The following INTS4 variants were observed in gnomAD, a reference collection of about 807,000 sequenced individuals.
INTS4 encodes MSTP093.
Under a neutral mutation model 119.5 loss-of-function variants are expected in INTS4, and 70 were observed. The ratio of observed to expected loss-of-function variants is 0.59; its 90% CI spans 0.48 to 0.71. The LOEUF (loss-of-function observed/expected upper bound fraction) is 0.71. INTS4 is among the 30% of genes least tolerant of loss of function. The probability of loss-of-function intolerance (pLI) is 0.00; values close to 1 mark genes in which losing one functional copy is unlikely to be tolerated. For synonymous variants in INTS4, 316 were observed against 419.6 expected (o/e 0.75, Z 3.02); for missense variants, 867 against 1,173.2 (o/e 0.74, Z 3.81).
intron 8 of INTS4, among the ~76,000 whole-genome samples, chr11:77,943,607 T>C (rs982359142): frequency 2.6e-5 from 4 of 152,232 alleles, no homozygotes; most frequent in Non-Finnish European, 4.4e-5. Flanking sequence ...AAAAGCTACA[T>C]TCTGGTGTAC....
chr11:77,910,560 TG>T (rs1953068126), intron 15 of INTS4, among the ~76,000 whole-genome samples: 1 of 152,008 alleles, frequency 6.6e-6, no homozygotes, highest in South Asian at 2.1e-4. Context: ...ACCTGCACAT[TG>T]TGCACATGTA....
chr11:77,940,358 G>C (rs1953900420), intron 9 of INTS4, among the ~76,000 whole-genome samples: 1 of 152,138 alleles, frequency 6.6e-6, no homozygotes, highest in African/African-American at 2.4e-5. Flanking sequence ...TTGAGCCCAA[G>C]AGATCAAAGT....
chr11:77,973,256 T>C (rs1855803249), intron 4 of INTS4, among the ~76,000 whole-genome samples: 1 of 152,264 alleles, frequency 6.6e-6, no homozygotes, highest in Admixed American at 6.5e-5. Flanking sequence ...GCTGATTTTG[T>C]ATCCTGCAAT....
intron 15 of INTS4, among the ~76,000 whole-genome samples, chr11:77,911,829 A>C (rs1405454460): frequency 2.0e-5 from 3 of 152,202 alleles, no homozygotes; most frequent in Non-Finnish European, 4.4e-5. Flanking sequence ...TAATCCTCAC[A>C]ATATGAATTG....
chr11:77,988,239 T>C (rs1266580910), intron 2 of INTS4, among the ~76,000 whole-genome samples: 2 of 152,172 alleles, frequency 1.3e-5, no homozygotes, highest in Non-Finnish European at 2.9e-5. Context: ...GATAGACACA[T>C]ATGGCAAACA....
chr11:77,993,761 A>G (rs1316101542), intron 1 of INTS4, among the ~76,000 whole-genome samples: 1 of 152,130 alleles, frequency 6.6e-6, no homozygotes, highest in Non-Finnish European at 1.5e-5. Context: ...TAAGAATGCA[A>G]CCAATGCACT....
chr11:77,929,430 G>A (rs1468951371), intron 10 of INTS4, among the ~76,000 whole-genome samples: 2 of 152,156 alleles, frequency 1.3e-5, no homozygotes, highest in South Asian at 4.1e-4. Flanking sequence ...TCACATGTCT[G>A]TCTACATTAA....
At chr11:77,879,288 G>A (rs1951700622) in intron 22 of INTS4, among the ~76,000 whole-genome samples, 161 bp from the exon 23 acceptor site, 1 of 152,222 alleles carries the variant, frequency 6.6e-6, no homozygotes, top group South Asian at 2.1e-4. Context: ...CACTGAGCCT[G>A]CAGATGTGAT....
At chr11:77,970,689 C>T (rs774241548) in intron 4 of INTS4, among the ~76,000 whole-genome samples, 1 of 151,652 alleles carries the variant, frequency 6.6e-6, no homozygotes, top group Non-Finnish European at 1.5e-5. Context: ...GTTAGCCAGG[C>T]ATGGTGGCAT....
At chr11:77,920,238 T>TATAC (rs1565244846) in intron 14 of INTS4, among the ~76,000 whole-genome samples, 1,341 of 16,620 alleles carry the variant, frequency 0.081, 23 homozygotes, top group African/African-American at 0.26. Flanking sequence ...CATACATATA[T>TATAC]ACATATATAT....
Position 77,974,244 on chromosome 11 carries a change from T to C in INTS4, c.471+4752A>G, listed in dbSNP as rs12277290. 1.9e-3 allele frequency among the ~76,000 whole-genome samples: 180 copies of C among 94,664 alleles called. 2 individuals are homozygous for C. The highest frequency in any genetic ancestry group is 5.5e-3 in the African/African-American group (128 of 23,276). The allele number at this position is 94,664 out of a possible 152,430, so 62.1% of individuals were successfully genotyped here. ...GGTATATAATTTTTCTTTTCTTTTT[T>C]TTTTTTTTTTTTTTTTGAGATGGAG... On this transcript the variant is annotated intron_variant, in intron 4 of 22. Coordinates refer to ENST00000534064, the MANE Select transcript of INTS4 (RefSeq NM_033547.4).
rs1338920603 is a variant in INTS4, at chr11:77,883,869, G to A, written c.2676C>T (p.Leu892=). 1.2e-6 allele frequency: 2 copies of A among 1,612,764 alleles called. No homozygotes were observed. The highest frequency in any genetic ancestry group is 1.7e-6 in the Non-Finnish European group (2 of 1,179,504). The change falls in exon 22 of 23, where the codon CTC becomes CTT. Residue 892 remains leucine, a synonymous_variant. Coordinates refer to ENST00000534064, the MANE Select transcript of INTS4 (RefSeq NM_033547.4). The stretch of plus-strand genomic sequence containing the variant: ...TGTGGGAGAGATAAACCTGAGTGAT[G>A]AGCCGGTGCCGCCCTGGGCCAGGAT... ...FRNPGPGRHR[L]ITQVYLSHTA...
Sources: allele counts gnomAD v4.1 joint callset (sites outside exome capture counted in the v4.1 genomes callset), GRCh38; gene constraint gnomAD v4.1.1; transcripts MANE v1.5; gene names NCBI Gene and HGNC (gene_info 2026-07-23, HGNC 2026-07-21).